The following ZBTB20 variants were observed in gnomAD, a reference collection of about 807,000 sequenced individuals.
The protein encoded by ZBTB20 is zinc finger and BTB domain containing 20.
In ZBTB20, 9 loss-of-function variants were observed where a neutral mutation model predicts 56.9. That is an observed-to-expected ratio of 0.16 (90% CI 0.10 to 0.28). ZBTB20 has a LOEUF of 0.28. Ranked by LOEUF, ZBTB20 falls within the 10% of genes least tolerant of loss-of-function variation. ZBTB20 has a pLI of 1.00. For synonymous variants in ZBTB20, 417 were observed against 420.7 expected (o/e 0.99, Z 0.11); for missense variants, 655 against 1,003.0 (o/e 0.65, Z 4.69).
At chr3:114,616,260 G>T (rs1270300454) in intron 6 of ZBTB20, among the ~76,000 whole-genome samples, 3 of 152,184 alleles carry the variant, frequency 2.0e-5, no homozygotes, top group Non-Finnish European at 4.4e-5. Flanking sequence ...GCTTTAGAAA[G>T]ATCAGAAATG....
intron 3 of ZBTB20, among the ~76,000 whole-genome samples, chr3:114,953,459 T>C (rs919314070): frequency 1.3e-5 from 2 of 151,966 alleles, no homozygotes; most frequent in Non-Finnish European, 2.9e-5. Flanking sequence ...GACCCAATTA[T>C]ACACTGTTTT....
rs528345487 is a variant in ZBTB20 at position 114,374,041 on chromosome 3, C to T, written c.199+6176G>A. ...AGGAAATTAGAGCAAATAAAAAAAA[C>T]GAACTGGCCTTCCAATGTATAAGTG... On this transcript the variant is annotated intron_variant, in intron 10 of 11. Transcript: ENST00000675478. Among the ~76,000 whole-genome samples, 7 of 152,108 alleles carry T rather than the reference C, an allele frequency of 4.6e-5. No homozygotes were observed. In the South Asian group the frequency reaches 6.2e-4, roughly 14 times the overall value.
At chr3:114,514,811 T>C (rs1381323846) in intron 6 of ZBTB20, among the ~76,000 whole-genome samples, 1 of 152,126 alleles carries the variant, frequency 6.6e-6, no homozygotes, top group African/African-American at 2.4e-5. Flanking sequence ...TTAAGAAAAG[T>C]AAAAGAGCAT....
At position 114,665,789 on chromosome 3, in the gene ZBTB20, C is replaced by T. The variant is rs576383639; in HGVS notation, c.-295+27739G>A. 1.4e-4 allele frequency among the ~76,000 whole-genome samples: 21 copies of T among 152,062 alleles called. No homozygotes were observed. The South Asian group carries it at 1.9e-3, about 14-fold the overall frequency. ...GAACATGAGAAAAAGCAAACAAACA[C>T]GCTTGTTAATAAATGTTACTTAACA... On this transcript the variant is annotated intron_variant, in intron 6 of 11. Transcript: ENST00000675478.
chr3:114,456,095 G>A (rs957989901), intron 7 of ZBTB20, among the ~76,000 whole-genome samples: 1 of 151,924 alleles, frequency 6.6e-6, no homozygotes, highest in Non-Finnish European at 1.5e-5. Flanking sequence ...CACCTATATA[G>A]TTAGTGCACA....
At chr3:114,577,281 T>C (rs1217103223) in intron 6 of ZBTB20, among the ~76,000 whole-genome samples, 1 of 150,514 alleles carries the variant, frequency 6.6e-6, no homozygotes, top group Non-Finnish European at 1.5e-5. Context: ...AAGAAAAAAA[T>C]AGAAAAATGG....
At chr3:114,468,654 T>C (rs1485434195) in intron 7 of ZBTB20, among the ~76,000 whole-genome samples, 2 of 152,190 alleles carry the variant, frequency 1.3e-5, no homozygotes, top group African/African-American at 2.4e-5. Flanking sequence ...TTTGGTTGCA[T>C]TCTGACTTTT....
chr3:114,396,217 CAG>C lies in ZBTB20; in HGVS notation c.-254-7114_-254-7113del, dbSNP rs201983993. Among the ~76,000 whole-genome samples, 305 of 152,284 alleles carry C rather than the reference CAG, an allele frequency of 2.0e-3. 5 individuals are homozygous for C. Among genetic ancestry groups the C allele is most frequent in the African/African-American group, 7.0e-3 (289 of 41,560 alleles). On this transcript the variant is annotated intron_variant, in intron 7 of 11. Coordinates refer to ENST00000675478, the MANE Select transcript of ZBTB20 (RefSeq NM_001348800.3). ...GACACAGCATTTTATTTGGTATTAT[CAG>C]AGTTTCCTATACCTTACCTCTTACA...
chr3:114,582,972 C>A (rs2054808156), intron 6 of ZBTB20, among the ~76,000 whole-genome samples: 1 of 152,196 alleles, frequency 6.6e-6, no homozygotes, highest in Non-Finnish European at 1.5e-5. Context: ...GCTGCCAATG[C>A]ACAAAGATCA....
intron 6 of ZBTB20, among the ~76,000 whole-genome samples, chr3:114,645,304 T>C (rs2059779372): frequency 6.6e-6 from 1 of 152,202 alleles, no homozygotes; most frequent in African/African-American, 2.4e-5. Context: ...CATTCACTAA[T>C]AAATAATTAC....
chr3:114,407,914 G>C (rs2693056), intron 7 of ZBTB20, among the ~76,000 whole-genome samples: 26 of 151,688 alleles, frequency 1.7e-4, no homozygotes, highest in African/African-American at 3.4e-4. Context: ...CTATATGAGG[G>C]GGGGGAAACA....
intron 2 of ZBTB20, among the ~76,000 whole-genome samples, chr3:114,990,577 G>T: frequency 6.6e-6 from 1 of 152,036 alleles, no homozygotes; most frequent in Non-Finnish European, 1.5e-5. Context: ...TTTTTTTGTG[G>T]TGTCTCTGCC....
intron 1 of ZBTB20, among the ~76,000 whole-genome samples, chr3:115,072,147 T>C (rs2082432303): frequency 6.6e-6 from 1 of 152,222 alleles, no homozygotes; most frequent in African/African-American, 2.4e-5. Flanking sequence ...AAAAGAAATT[T>C]GAATAATTTC....
In ZBTB20 at chr3:114,326,315, A is replaced by C. The variant is rs2079062409; in HGVS notation, c.*12690T>G. ...AAATGCATGGTCTTCATCTGCAATC[A>C]ATAAAAAAATCTATTCTTTGGCCCC... On this transcript the variant is annotated 3_prime_UTR_variant, in exon 12 of 12. Coordinates refer to ENST00000675478, the MANE Select transcript of ZBTB20 (RefSeq NM_001348800.3). 2.0e-5 allele frequency: 3 copies of C among 152,206 alleles called. No individual in the cohort carries two copies. In the South Asian group the frequency reaches 6.2e-4, roughly 32 times the overall value. The allele number at this position is 152,206 out of a possible 1,614,324, so 9.4% of individuals were successfully genotyped here.
Position 114,592,952 on chromosome 3 carries a change from T to C in ZBTB20, c.-294-92561A>G, listed in dbSNP as rs905665159. Among the ~76,000 whole-genome samples, 30 of 152,202 alleles carry C rather than the reference T, an allele frequency of 2.0e-4. 1 individual carries two copies. Among genetic ancestry groups the C allele is most frequent in the African/African-American group, 6.5e-4 (27 of 41,452 alleles). On this transcript the variant is annotated intron_variant, in intron 6 of 11. Transcript: ENST00000675478. ...TCAACATTCATTACTTCTGGGCATATAAATGGTTGCTGGGTCCATGACGGC... is the reference window on the plus strand; with the variant it reads ...TCAACATTCATTACTTCTGGGCATACAAATGGTTGCTGGGTCCATGACGGC...
At chr3:114,455,293 A>G (rs575984047) in intron 7 of ZBTB20, among the ~76,000 whole-genome samples, 1 of 152,242 alleles carries the variant, frequency 6.6e-6, no homozygotes, top group East Asian at 1.9e-4. Context: ...ACCAAAGGGG[A>G]AAAGCGAATA....
intron 4 of ZBTB20, among the ~76,000 whole-genome samples, chr3:114,843,885 C>A (rs990343230): frequency 6.6e-6 from 1 of 151,512 alleles, no homozygotes; most frequent in African/African-American, 2.4e-5. Context: ...CAAGGTTTCA[C>A]CGTGTTAGCC....
At chr3:114,921,336 T>G (rs1199090015) in intron 3 of ZBTB20, among the ~76,000 whole-genome samples, 1 of 152,162 alleles carries the variant, frequency 6.6e-6, no homozygotes, top group African/African-American at 2.4e-5. Context: ...TTGGCCAGGC[T>G]GGTCTCAACC....
intron 6 of ZBTB20, among the ~76,000 whole-genome samples, chr3:114,593,360 GA>G (rs1295978264): frequency 1.3e-5 from 2 of 150,756 alleles, no homozygotes; most frequent in African/African-American, 4.9e-5. Flanking sequence ...GAGAGGGAGA[GA>G]TTTTTTTGTT....
Sources: allele counts gnomAD v4.1 joint callset (sites outside exome capture counted in the v4.1 genomes callset), GRCh38; gene constraint gnomAD v4.1.1; transcripts MANE v1.5; gene names NCBI Gene and HGNC (gene_info 2026-07-23, HGNC 2026-07-21).